Variants in BRINP1 observed in about 807,000 individuals in gnomAD.
BRINP1 encodes BMP/retinoic acid inducible neural specific 1.
BRINP1 carries 17 observed loss-of-function variants against 72.9 expected under a neutral mutation model. That is an observed-to-expected ratio of 0.23 (90% CI 0.16 to 0.35). The LOEUF is 0.35. Among genes scored for constraint, BRINP1 ranks in the 10% least tolerant of loss-of-function variants. BRINP1 has a pLI of 1.00. For synonymous variants in BRINP1, 418 were observed against 378.5 expected (o/e 1.10, Z -1.21); for missense variants, 850 against 1,001.6 (o/e 0.85, Z 2.04).
intron 2 of BRINP1, among the ~76,000 whole-genome samples, chr9:119,292,877 CAAG>C (rs1830836369): frequency 1.3e-5 from 2 of 152,164 alleles, no homozygotes; most frequent in Admixed American, 6.5e-5. Context: ...TAGATAAGGT[CAAG>C]AACCACAGGA....
intron 2 of BRINP1, among the ~76,000 whole-genome samples, chr9:119,255,040 A>T (rs1432358829): frequency 1.3e-5 from 2 of 152,232 alleles, no homozygotes; most frequent in Non-Finnish European, 2.9e-5. Flanking sequence ...AAGGCTCATG[A>T]CTTCAAGTGC....
At chr9:119,259,710 C>G (rs751728490) in intron 2 of BRINP1, among the ~76,000 whole-genome samples, 1 of 152,014 alleles carries the variant, frequency 6.6e-6, no homozygotes, top group Non-Finnish European at 1.5e-5. Context: ...TCCAAGGGAC[C>G]ACAAAGAGTG....
At position 119,282,028 on chromosome 9, in the gene BRINP1, G is replaced by C. The variant is rs375222084; in HGVS notation, c.218+31110C>G. On this transcript the variant is annotated intron_variant, in intron 2 of 7. Transcript: ENST00000265922. ...TTTCTTAGAAATGATTCCTAAAGTG[G>C]AATTATGGAGTCATAGCTCATAGGC... Among the ~76,000 whole-genome samples, 86 of 152,284 alleles carry C rather than the reference G, an allele frequency of 5.6e-4. 1 individual carries two copies. The highest frequency in any genetic ancestry group is 1.9e-3 in the African/African-American group (79 of 41,564).
At chr9:119,223,243 T>C (rs1830058868) in intron 5 of BRINP1, among the ~76,000 whole-genome samples, 1 of 152,108 alleles carries the variant, frequency 6.6e-6, no homozygotes, top group Non-Finnish European at 1.5e-5. Context: ...TGGTGGGGGT[T>C]ACATAACTGA....
chr9:119,250,518 C>T (rs1001969428), intron 2 of BRINP1, among the ~76,000 whole-genome samples: 1 of 152,186 alleles, frequency 6.6e-6, no homozygotes, highest in Non-Finnish European at 1.5e-5. Context: ...ACTGCTGATG[C>T]AGGAATTACA....
intron 7 of BRINP1, among the ~76,000 whole-genome samples, chr9:119,176,557 T>C (rs1003071531): frequency 6.6e-6 from 1 of 152,174 alleles, no homozygotes; most frequent in African/African-American, 2.4e-5. Context: ...AGTCACTTCA[T>C]CTCTTTTTAA....
In BRINP1 at chr9:119,268,247, A is replaced by G. The variant is rs200782634; in HGVS notation, c.219-19097T>C. Among the ~76,000 whole-genome samples the G allele has an allele frequency of 1.7e-3, 159 of 95,584 alleles. 4 individuals carry two copies. In the South Asian group the frequency reaches 0.052, roughly 31 times the overall value. 62.7% of individuals were successfully genotyped at this position (95,584 alleles called of 152,430 possible). A position where few individuals can be genotyped will look rare whatever the true frequency, so the allele number is the denominator to read the frequency against. ...GACAGAGTGAGACTCTGTCTCAATA[A>G]ATAGATAGATAGATAGATAGATAGA... On this transcript the variant is annotated intron_variant, in intron 2 of 7. Coordinates refer to ENST00000265922, the MANE Select transcript of BRINP1 (RefSeq NM_014618.3).
At chr9:119,244,527 G>C (rs1162606072) in intron 3 of BRINP1, among the ~76,000 whole-genome samples, 2 of 152,170 alleles carry the variant, frequency 1.3e-5, no homozygotes, top group African/African-American at 2.4e-5. Flanking sequence ...CAGCTGAGTG[G>C]AAAGGTAAAA....
chr9:119,197,738 T>A (rs1277673218), intron 7 of BRINP1, among the ~76,000 whole-genome samples: 1 of 152,328 alleles, frequency 6.6e-6, no homozygotes, highest in South Asian at 2.1e-4. Flanking sequence ...GTAACAAGCA[T>A]ACGAGCTGAA....
At position 119,169,334 on chromosome 9, in the gene BRINP1, G is replaced by T. The variant is rs562837632; in HGVS notation, c.1146-1110C>A. 7.9e-5 allele frequency among the ~76,000 whole-genome samples: 12 copies of T among 152,358 alleles called. No homozygotes were observed. In the South Asian group the frequency reaches 2.5e-3, roughly 32 times the overall value. Reference sequence around the variant, plus strand: ...TCACTTGGGAAGTGCAAGGGGTCAGGGAGTTCCCTTTCCGAAACAAAGAAA... The same window carrying T: ...TCACTTGGGAAGTGCAAGGGGTCAGTGAGTTCCCTTTCCGAAACAAAGAAA... On this transcript the variant is annotated intron_variant, in intron 7 of 7. Coordinates refer to ENST00000265922, the MANE Select transcript of BRINP1 (RefSeq NM_014618.3).
chr9:119,346,442 C>T (rs571737869), intron 1 of BRINP1, among the ~76,000 whole-genome samples: 7 of 152,196 alleles, frequency 4.6e-5, no homozygotes, highest in African/African-American at 1.4e-4. Flanking sequence ...CTGCAATCAC[C>T]GTTACCAGAA....
intron 5 of BRINP1, among the ~76,000 whole-genome samples, chr9:119,231,154 A>G (rs1204232397): frequency 1.3e-5 from 2 of 152,148 alleles, no homozygotes; most frequent in African/African-American, 2.4e-5. Context: ...CAGAGGTATT[A>G]AAATCTGAAA....
intron 7 of BRINP1, among the ~76,000 whole-genome samples, chr9:119,174,347 C>T (rs868416890): frequency 0.042 from 6,230 of 149,898 alleles, 392 homozygotes; most frequent in African/African-American, 0.14. Context: ...ATTTATGCAG[C>T]CAAAAAACAC....
At chr9:119,319,819 T>C (rs1429715339) in intron 1 of BRINP1, among the ~76,000 whole-genome samples, 1 of 152,218 alleles carries the variant, frequency 6.6e-6, no homozygotes, top group East Asian at 1.9e-4. Flanking sequence ...AACCTGTGAA[T>C]ATCCCATTAC....
At chr9:119,264,605 C>A (rs1205172550) in intron 2 of BRINP1, among the ~76,000 whole-genome samples, 2 of 152,236 alleles carry the variant, frequency 1.3e-5, no homozygotes, top group Admixed American at 6.5e-5. Context: ...ATTAGCATCA[C>A]CCACATTCAC....
At chr9:119,274,871 T>A (rs371775961) in intron 2 of BRINP1, among the ~76,000 whole-genome samples, 1 of 152,170 alleles carries the variant, frequency 6.6e-6, no homozygotes, top group Non-Finnish European at 1.5e-5. Flanking sequence ...TATATGTGTA[T>A]ATACACATAT....
intron 3 of BRINP1, among the ~76,000 whole-genome samples, chr9:119,246,316 T>C (rs907198810): frequency 3.9e-5 from 6 of 152,194 alleles, no homozygotes; most frequent in Non-Finnish European, 8.8e-5. Context: ...ACCCATCATC[T>C]GTGTGGGTAC....
Position 119,167,434 on chromosome 9 carries a change from T to C in BRINP1, c.1936A>G (p.Arg646Gly). 1 of 1,614,020 alleles carries C rather than the reference T, an allele frequency of 6.2e-7. No homozygotes were observed. The highest frequency in any genetic ancestry group is 8.5e-7 in the Non-Finnish European group (1 of 1,179,988). Reference sequence around the variant, plus strand: ...TCTGAGATCTTGATGTAGAACTGCCTCTTGGAGGGATCCGACAGGTCCACG... The same window carrying C: ...TCTGAGATCTTGATGTAGAACTGCCCCTTGGAGGGATCCGACAGGTCCACG... The part of the protein sequence containing the change: ...GPVDLSDPSK[R>G]QFYIKISDVQ... Residue 646 changes from arginine to glycine, a missense_variant, in exon 8 of 8, where the codon AGG becomes GGG. Transcript: ENST00000265922. The surrounding 1 kb of genome is among the most constrained non-coding windows in gnomAD (Gnocchi z 4.3).
At position 119,180,487 on chromosome 9, in the gene BRINP1, G is replaced by C. The variant is rs1425234754; in HGVS notation, c.1146-12263C>G. Among the ~76,000 whole-genome samples, 4 of 97,710 alleles carry C rather than the reference G, an allele frequency of 4.1e-5. No homozygotes were observed. In the South Asian group the frequency reaches 1.0e-3, roughly 25 times the overall value. 64.1% of individuals were successfully genotyped at this position (97,710 alleles called of 152,430 possible). A position where few individuals can be genotyped will look rare whatever the true frequency, so the allele number is the denominator to read the frequency against. ...TGTGACTCTCTCTGTGCATGTGTGT[G>C]TGTGTGTGTGTGTGTGTGTGTGTGT... On this transcript the variant is annotated intron_variant, in intron 7 of 7. Transcript: ENST00000265922.
Sources: gnomAD v4.1 joint callset for allele counts (sites outside exome capture counted in the v4.1 genomes callset) on GRCh38, gnomAD v4.1.1 for gene constraint, Gnocchi (gnomAD v3.1) non-coding constraint, MANE v1.5 for transcripts, NCBI Gene and HGNC (gene_info 2026-07-23, HGNC 2026-07-21) for gene names.